The following PTPN12 variants were observed in gnomAD, a reference collection of about 807,000 sequenced individuals.
PTPN12 encodes protein tyrosine phosphatase non-receptor type 12, also known as tyrosine-protein phosphatase non-receptor type 12.
A neutral mutation model predicts 97.6 loss-of-function variants in PTPN12; 29 were observed. The observed-to-expected ratio is 0.30, with a 90% CI of 0.22 to 0.41. The LOEUF is 0.41. PTPN12 is among the 10% of genes least tolerant of loss of function. The pLI is 1.00. For synonymous variants in PTPN12, 327 were observed against 300.4 expected (o/e 1.09, Z -0.91); for missense variants, 819 against 926.0 (o/e 0.88, Z 1.50).
intron 12 of PTPN12, among the ~76,000 whole-genome samples, chr7:77,622,991 G>A (rs1389983196): frequency 6.8e-6 from 1 of 147,564 alleles, no homozygotes; most frequent in Admixed American, 6.8e-5. Context: ...TCTAAAAGGA[G>A]AGTAGGGAAG....
In PTPN12 at chr7:77,632,444, T is replaced by C. The variant is rs770829912; in HGVS notation, c.2074+19T>C. ...GAACATAGTGAGTGTCTCTTTTGCT[T>C]TTACATTTACTTCATATTCTAATAA... On this transcript the variant is annotated intron_variant, in intron 14 of 17. Transcript: ENST00000248594. 2 of 1,558,724 alleles carry C rather than the reference T, an allele frequency of 1.3e-6. No individual in the cohort carries two copies. The highest frequency in any genetic ancestry group is 2.2e-5 in the South Asian group (2 of 89,216).
In PTPN12 at chr7:77,625,474, T is replaced by G. The variant is rs865912162; in HGVS notation, c.1026-1231T>G. Among the ~76,000 whole-genome samples, 44 of 29,152 alleles carry G rather than the reference T, an allele frequency of 1.5e-3. 1 individual carries two copies. The highest frequency in any genetic ancestry group is 2.2e-3 in the Non-Finnish European group (36 of 16,118). 19.1% of individuals were successfully genotyped at this position (29,152 alleles called of 152,430 possible). The stretch of plus-strand genomic sequence containing the variant: ...TTGCCATATTGCCCAGGCTGCTCGC[T>G]CTCTCTCTCTCTCTCTCTCTCTCTC... On this transcript the variant is annotated intron_variant, in intron 12 of 17. Coordinates refer to ENST00000248594, the MANE Select transcript of PTPN12 (RefSeq NM_002835.4).
Position 77,639,387 on chromosome 7 carries a change from G to T in PTPN12, c.*107G>T. 2.3e-6 allele frequency: 2 copies of T among 865,900 alleles called. No homozygotes were observed. Among genetic ancestry groups the T allele is most frequent in the Non-Finnish European group, 3.6e-6 (2 of 561,100 alleles). 53.6% of individuals were successfully genotyped at this position (865,900 alleles called of 1,614,324 possible). ...AATATGTGGGACTAACAGCAGTGTA[G>T]ATTGTTACCTTAATATTTTTTGCTG... On this transcript the variant is annotated 3_prime_UTR_variant, in exon 18 of 18. Coordinates refer to ENST00000248594, the MANE Select transcript of PTPN12 (RefSeq NM_002835.4).
In PTPN12 at chr7:77,605,097, C is replaced by T. The variant is rs904049566; in HGVS notation, c.696-2138C>T. ...AAAATTCTATAAATGTTTTGATGCA[C>T]AGAATTCACAAATGTATCAACTAAA... On this transcript the variant is annotated intron_variant, in intron 8 of 17. Transcript: ENST00000248594. Among the ~76,000 whole-genome samples the T allele has an allele frequency of 7.9e-5, 12 of 152,000 alleles. 1 individual carries two copies. The South Asian group carries it at 2.3e-3, about 29-fold the overall frequency.
intron 6 of PTPN12, among the ~76,000 whole-genome samples, chr7:77,595,747 G>A (rs1788002934): frequency 6.6e-6 from 1 of 152,074 alleles, no homozygotes; most frequent in Admixed American, 6.5e-5. Flanking sequence ...AAAAATTAAA[G>A]CAGGTATAAT....
chr7:77,603,752 A>G (rs1788260622), intron 8 of PTPN12, among the ~76,000 whole-genome samples: 1 of 152,164 alleles, frequency 6.6e-6, no homozygotes, highest in Non-Finnish European at 1.5e-5. Context: ...ATAAACTTTT[A>G]AAGTATTTTA....
chr7:77,617,930 A>G (rs1160624518), intron 11 of PTPN12, among the ~76,000 whole-genome samples: 2 of 152,154 alleles, frequency 1.3e-5, no homozygotes, highest in Non-Finnish European at 2.9e-5. Context: ...GTAGCCAGTG[A>G]TATAGGAGCT....
At chr7:77,554,392 A>G (rs1807609377) in intron 1 of PTPN12, among the ~76,000 whole-genome samples, 1 of 152,238 alleles carries the variant, frequency 6.6e-6, no homozygotes, top group Admixed American at 6.5e-5. Context: ...ATGACAAAGT[A>G]ACCCTAATTC....
At chr7:77,598,526 T>TA (rs776569760) in intron 7 of PTPN12, among the ~76,000 whole-genome samples, 2 of 151,840 alleles carry the variant, frequency 1.3e-5, no homozygotes, top group South Asian at 2.1e-4. Context: ...TACTAAAAAA[T>TA]ACTAAAATTA....
chr7:77,572,621 A>G (rs568544388), intron 2 of PTPN12, among the ~76,000 whole-genome samples: 2 of 152,242 alleles, frequency 1.3e-5, no homozygotes, highest in South Asian at 2.1e-4. Context: ...AACATAACAT[A>G]ATGGTATAGT....
At position 77,627,547 on chromosome 7, in the gene PTPN12, A is replaced by G. The variant is rs368329725; in HGVS notation, c.1868A>G (p.Asn623Ser). ...GGTGCTGTGACCCAGAATAAAACTA[A>G]TATTTCAACAGCAAGTGCCACAGTT... ...SDGAVTQNKT[N>S]ISTASATVSA... The change falls in exon 13 of 18, where the codon AAT (asparagine) becomes AGT (serine). Residue 623 changes from asparagine (N) to serine (S), a missense_variant. By Grantham distance (46) the Asn-to-Ser change is conservative (BLOSUM62 1). Around this residue, in one of 5 missense-constraint regions of PTPN12, gnomAD observed 607 missense variants for 577.3 expected, o/e 1.05. Transcript: ENST00000248594. 9 of 1,614,134 alleles carry G rather than the reference A, an allele frequency of 5.6e-6. No homozygotes were observed. The highest frequency in any genetic ancestry group is 5.0e-5 in the Admixed American group (3 of 60,020).
Position 77,627,322 on chromosome 7 carries a change from C to G in PTPN12, c.1643C>G (p.Pro548Arg). Residue 548 changes from proline (P) to arginine (R), a missense_variant, in exon 13 of 18, where the codon CCT (proline) becomes CGT (arginine). Physicochemically the swap from Pro to Arg is moderately radical, Grantham distance 103. Coordinates refer to ENST00000248594, the MANE Select transcript of PTPN12 (RefSeq NM_002835.4). ...FHGPENAIPIPDLSEGNSSDI... is the reference protein window; with the variant it reads ...FHGPENAIPIRDLSEGNSSDI... ...GGACCTGAAAATGCCATACCCATAC[C>G]TGATTTATCTGAAGGCAATTCCTCA... The G allele has an allele frequency of 6.2e-7, 1 of 1,614,170 alleles. No individual in the cohort carries two copies. Among genetic ancestry groups the G allele is most frequent in the South Asian group, 1.1e-5 (1 of 91,076 alleles).
chr7:77,602,831 A>G (rs1181170921), intron 8 of PTPN12, among the ~76,000 whole-genome samples: 2 of 152,198 alleles, frequency 1.3e-5, no homozygotes, highest in South Asian at 2.1e-4. Flanking sequence ...TAAGACTGCT[A>G]TCAATTTATT....
chr7:77,597,359 G>C (rs1788054483), intron 6 of PTPN12, among the ~76,000 whole-genome samples: 1 of 152,170 alleles, frequency 6.6e-6, no homozygotes, highest in African/African-American at 2.4e-5. Context: ...CTGACCTCAA[G>C]TGATCCACCT....
At chr7:77,597,162 C>T (rs150684530) in intron 6 of PTPN12, among the ~76,000 whole-genome samples, 97 of 152,144 alleles carry the variant, frequency 6.4e-4, no homozygotes, top group African/African-American at 2.2e-3. Context: ...CTTGCTCTGT[C>T]GCCCAGGCTG....
chr7:77,602,367 A>AT (rs1788219375), intron 8 of PTPN12, among the ~76,000 whole-genome samples: 1 of 152,232 alleles, frequency 6.6e-6, no homozygotes. Context: ...TATGTAATAC[A>AT]TAAAACAAAG....
At chr7:77,538,992 T>C (rs952334049) in intron 1 of PTPN12, 1 of 152,208 alleles carries the variant, frequency 6.6e-6, no homozygotes, top group African/African-American at 2.4e-5. Context: ...AATTCTGAAA[T>C]CTGATTATGA....
At chr7:77,595,148 G>C (rs1200732713) in intron 6 of PTPN12, among the ~76,000 whole-genome samples, 1 of 152,064 alleles carries the variant, frequency 6.6e-6, no homozygotes, top group African/African-American at 2.4e-5. Context: ...GTAACGACTT[G>C]GTTTAATTTG....
At chr7:77,595,068 A>G (rs1408731288) in intron 6 of PTPN12, among the ~76,000 whole-genome samples, 1 of 152,252 alleles carries the variant, frequency 6.6e-6, no homozygotes, top group African/African-American at 2.4e-5. Context: ...AAACATGGAG[A>G]AAGATTTATT....
Sources: allele counts gnomAD v4.1 joint callset (sites outside exome capture counted in the v4.1 genomes callset), GRCh38; gene constraint gnomAD v4.1.1; regional missense constraint gnomAD v4.1.1; transcripts MANE v1.5; gene names NCBI Gene and HGNC (gene_info 2026-07-23, HGNC 2026-07-21).